ZNRF3: variants seen among roughly 807,000 people sequenced by gnomAD.
ZNRF3 encodes zinc and ring finger 3.
ZNRF3 carries 23 observed loss-of-function variants against 72.5 expected under a neutral mutation model. The ratio of observed to expected loss-of-function variants is 0.32; its 90% CI spans 0.23 to 0.45. ZNRF3 has a LOEUF of 0.45. Ranked by LOEUF, ZNRF3 falls within the 20% of genes least tolerant of loss-of-function variation. The probability of loss-of-function intolerance (pLI) is 1.00; values close to 1 mark genes in which losing one functional copy is unlikely to be tolerated. For synonymous variants in ZNRF3, 610 were observed against 545.3 expected, an observed-to-expected ratio of 1.12 and a Z score of -1.65; for missense variants, 1,169 against 1,272.1, an observed-to-expected ratio of 0.92 and a Z score of 1.23.
At chr22:29,034,536 A>G (rs2036828403) in intron 2 of ZNRF3, among the ~76,000 whole-genome samples, 1 of 152,188 alleles carries the variant, frequency 6.6e-6, no homozygotes, top group African/African-American at 2.4e-5. Flanking sequence ...TTTGTGTTCA[A>G]AAAAGTTTGG....
intron 1 of ZNRF3, among the ~76,000 whole-genome samples, chr22:28,966,465 A>C (rs2123808734): frequency 6.6e-6 from 1 of 152,344 alleles, no homozygotes; most frequent in East Asian, 1.9e-4. Context: ...GTATTCGAGA[A>C]TAAAGCATTA....
At chr22:29,051,603 T>TAA (rs1212194016) in intron 8 of ZNRF3, among the ~76,000 whole-genome samples, 80 of 105,002 alleles carry the variant, frequency 7.6e-4, no homozygotes, top group African/African-American at 2.3e-3. Context: ...GACTCTGTCT[T>TAA]AAAAAAAAAA....
rs988372180 is a variant in ZNRF3, at chr22:28,998,505, C to T, written c.426+11304C>T. On this transcript the variant is annotated intron_variant, in intron 2 of 8. Coordinates refer to ENST00000544604, the MANE Select transcript of ZNRF3 (RefSeq NM_001206998.2). Reference sequence around the variant, plus strand: ...GCTATCTCCTACATTTGATTAAAACCGGATGCAAGCAAGAAACTTAGTAAA... The same window carrying T: ...GCTATCTCCTACATTTGATTAAAACTGGATGCAAGCAAGAAACTTAGTAAA... Among the ~76,000 whole-genome samples, 5 of 152,028 alleles carry T rather than the reference C, an allele frequency of 3.3e-5. No homozygotes were observed. The South Asian group carries it at 6.2e-4, about 19-fold the overall frequency.
At chr22:28,951,399 C>T (rs1451626418) in intron 1 of ZNRF3, among the ~76,000 whole-genome samples, 2 of 152,120 alleles carry the variant, frequency 1.3e-5, no homozygotes, top group Non-Finnish European at 2.9e-5. Flanking sequence ...GACATATGCA[C>T]ACACACCAGG....
At position 29,050,551 on chromosome 22, in the gene ZNRF3, G is replaced by A; in HGVS notation, c.2370G>A (p.Gly790=). The part of the protein sequence containing the change: ...CFYEEKQVAR[G]GGGGSGCYTE... ...ATGAAGAGAAGCAGGTGGCCCGCGG[G>A]GGCGGAGGGGGCAGCGGCTGCTACA... Residue 790 remains glycine, a synonymous_variant, in exon 8 of 9, where the codon GGG becomes GGA. Coordinates refer to ENST00000544604, the MANE Select transcript of ZNRF3 (RefSeq NM_001206998.2). 8.7e-6 allele frequency: 14 copies of A among 1,610,084 alleles called. No homozygotes were observed. Among genetic ancestry groups the A allele is most frequent in the Non-Finnish European group, 1.1e-5 (13 of 1,178,654 alleles).
At chr22:28,959,910 G>A (rs935539779) in intron 1 of ZNRF3, among the ~76,000 whole-genome samples, 2 of 152,210 alleles carry the variant, frequency 1.3e-5, no homozygotes, top group African/African-American at 4.8e-5. Context: ...AGTGAAACCT[G>A]CCTCAGTGGC....
At chr22:28,901,669 T>C (rs1210603535) in intron 1 of ZNRF3, among the ~76,000 whole-genome samples, 5 of 143,664 alleles carry the variant, frequency 3.5e-5, no homozygotes, top group Non-Finnish European at 7.5e-5. Context: ...GACAGAGTCT[T>C]GCTCTCTCAC....
In ZNRF3 at chr22:28,913,667, A is replaced by G. The variant is rs187465798; in HGVS notation, c.300+29601A>G. ...GATGGGGTATAGGGAGTTGTAGTATAAAAGAACCAAGAAACAGTGCTTCTC... is the reference window on the plus strand; with the variant it reads ...GATGGGGTATAGGGAGTTGTAGTATGAAAGAACCAAGAAACAGTGCTTCTC... On this transcript the variant is annotated intron_variant, in intron 1 of 8. Coordinates refer to ENST00000544604, the MANE Select transcript of ZNRF3 (RefSeq NM_001206998.2). Among the ~76,000 whole-genome samples, 6 of 152,326 alleles carry G rather than the reference A, an allele frequency of 3.9e-5. No individual in the cohort carries two copies. The South Asian group carries it at 1.0e-3, about 26-fold the overall frequency.
intron 1 of ZNRF3, among the ~76,000 whole-genome samples, chr22:28,917,096 C>T (rs1255643263): frequency 2.0e-5 from 3 of 152,166 alleles, no homozygotes; most frequent in African/African-American, 7.2e-5. Context: ...GAACGCTCAT[C>T]TGCCTGCCAC....
At chr22:29,032,559 T>C (rs909158616) in intron 2 of ZNRF3, among the ~76,000 whole-genome samples, 2 of 152,206 alleles carry the variant, frequency 1.3e-5, no homozygotes, top group East Asian at 1.9e-4. Context: ...AATCTTAAAG[T>C]GCGAAGAATA....
At chr22:28,901,224 A>G (rs115604110) in intron 1 of ZNRF3, among the ~76,000 whole-genome samples, 362 of 152,272 alleles carry the variant, frequency 2.4e-3, no homozygotes, top group African/African-American at 8.2e-3. Context: ...TCCTGAAGAT[A>G]CCTGAATTCT....
intron 8 of ZNRF3, among the ~76,000 whole-genome samples, chr22:29,051,759 T>C (rs1811419939): frequency 6.6e-6 from 1 of 151,068 alleles, no homozygotes; most frequent in African/African-American, 2.4e-5. Context: ...TACAAAAAAA[T>C]TAGCTGGGCG....
chr22:28,936,244 C>T lies in ZNRF3; in HGVS notation c.301-50832C>T, dbSNP rs572865697. Among the ~76,000 whole-genome samples the T allele has an allele frequency of 4.6e-5, 7 of 152,286 alleles. No individual in the cohort carries two copies. The East Asian group carries it at 1.2e-3, about 25-fold the overall frequency. The stretch of plus-strand genomic sequence containing the variant: ...TGCACTCCAGTTTTATTCTCCTAAT[C>T]CTCTCTGGCTGAGAGTCCTGACCTG... On this transcript the variant is annotated intron_variant, in intron 1 of 8. Coordinates refer to ENST00000544604, the MANE Select transcript of ZNRF3 (RefSeq NM_001206998.2).
At position 29,044,876 on chromosome 22, in the gene ZNRF3, C is replaced by A. The variant is rs1277387355; in HGVS notation, c.730C>A (p.Gln244Lys). The A allele has an allele frequency of 1.2e-6, 2 of 1,613,588 alleles. No individual in the cohort carries two copies. The highest frequency in any genetic ancestry group is 1.6e-4 in the Middle Eastern group (1 of 6,062). Residue 244 changes from glutamine to lysine, a missense_variant, in exon 5 of 9, where the codon CAG (glutamine) becomes AAG (lysine). Around this residue, in one of 2 missense-constraint regions of ZNRF3, gnomAD observed 386 missense variants for 540.7 expected, o/e 0.71. Coordinates refer to ENST00000544604, the MANE Select transcript of ZNRF3 (RefSeq NM_001206998.2). ...LILLVKIKLK[Q>K]RRSQNSMNRL... ...CCTCCTTGTCAAAATCAAGCTGAAG[C>A]AGCGACGCAGTCAGGTAGTGCCTCT...
intron 1 of ZNRF3, among the ~76,000 whole-genome samples, chr22:28,937,213 ATATTTTT>A (rs1274021737): frequency 4.7e-4 from 2 of 4,230 alleles, no homozygotes; most frequent in African/African-American, 1.1e-3. Context: ...ATATATATAT[ATATTTTT>A]TTTTTTTTTT....
intron 2 of ZNRF3, among the ~76,000 whole-genome samples, chr22:28,999,843 C>T (rs2036113485): frequency 6.6e-6 from 1 of 152,064 alleles, no homozygotes; most frequent in Non-Finnish European, 1.5e-5. Context: ...CCCCTAACCT[C>T]GGTGACATAA....
chr22:29,038,523 G>T (rs961272729), intron 2 of ZNRF3, among the ~76,000 whole-genome samples: 23 of 152,026 alleles, frequency 1.5e-4, no homozygotes, highest in African/African-American at 5.3e-4. Context: ...TGTGGAGACA[G>T]TCTTGCTATA....
chr22:29,050,227 C>T lies in ZNRF3; in HGVS notation c.2046C>T (p.Thr682=), dbSNP rs1292695923. 1 of 1,600,058 alleles carries T rather than the reference C, an allele frequency of 6.2e-7. No individual in the cohort carries two copies. The highest frequency in any genetic ancestry group is 2.2e-5 in the East Asian group (1 of 44,872). ...SLEHRGPNSS[T]SEVGLEASPG... is the part of the protein sequence containing the mutation. Reference sequence around the variant, plus strand: ...AGCACAGGGGGCCCAATAGCTCTACCTCAGAAGTGGGGCTCGAGGCTTCTC... The same window carrying T: ...AGCACAGGGGGCCCAATAGCTCTACTTCAGAAGTGGGGCTCGAGGCTTCTC... The change falls in exon 8 of 9, where the codon ACC becomes ACT. Residue 682 remains threonine, a synonymous_variant. Transcript: ENST00000544604.
At chr22:28,959,826 G>A (rs2035324329) in intron 1 of ZNRF3, among the ~76,000 whole-genome samples, 1 of 152,264 alleles carries the variant, frequency 6.6e-6, no homozygotes, top group African/African-American at 2.4e-5. Context: ...TTCTCCCCTT[G>A]TATGCACAAA....
Sources: gnomAD v4.1 joint callset for allele counts (sites outside exome capture counted in the v4.1 genomes callset) on GRCh38, gnomAD v4.1.1 for gene constraint, gnomAD v4.1.1 regional missense constraint, MANE v1.5 for transcripts, NCBI Gene and HGNC (gene_info 2026-07-23, HGNC 2026-07-21) for gene names.